MARK1: variants seen among roughly 807,000 people sequenced by gnomAD.
MARK1 encodes the protein serine/threonine-protein kinase MARK1.
In MARK1, 40 loss-of-function variants were observed where a neutral mutation model predicts 96.3. That is an observed-to-expected ratio of 0.42 (90% CI 0.32 to 0.54). The LOEUF (loss-of-function observed/expected upper bound fraction) is 0.54. Ranked by LOEUF, MARK1 falls within the 20% of genes least tolerant of loss-of-function variation. MARK1 has a pLI of 0.16. For synonymous variants in MARK1, 317 were observed against 341.2 expected, an observed-to-expected ratio of 0.93 and a Z score of 0.78; for missense variants, 719 against 984.6, an observed-to-expected ratio of 0.73 and a Z score of 3.61.
At chr1:220,575,605 T>C (rs1663775318) in intron 1 of MARK1, among the ~76,000 whole-genome samples, 1 of 152,128 alleles carries the variant, frequency 6.6e-6, no homozygotes, top group African/African-American at 2.4e-5. Flanking sequence ...ATATTTGTTT[T>C]GGTGGATATC....
At chr1:220,599,232 T>C (rs950537390) in intron 4 of MARK1, among the ~76,000 whole-genome samples, 2 of 152,186 alleles carry the variant, frequency 1.3e-5, no homozygotes, top group African/African-American at 4.8e-5. Context: ...TTGTGACAAG[T>C]AAAATTCTTT....
intron 14 of MARK1, among the ~76,000 whole-genome samples, chr1:220,650,973 T>C (rs7547728): frequency 0.012 from 1,811 of 152,346 alleles, 22 homozygotes; most frequent in Middle Eastern, 0.037. Flanking sequence ...AATATTTTTC[T>C]ATAACAAAGC....
intron 17 of MARK1, among the ~76,000 whole-genome samples, chr1:220,660,163 C>G (rs1252818736): frequency 6.6e-6 from 1 of 152,142 alleles, no homozygotes; most frequent in Middle Eastern, 3.2e-3. Context: ...TTCCAGGATG[C>G]CGATTCCACC....
chr1:220,639,178 C>T (rs957741660), intron 13 of MARK1, among the ~76,000 whole-genome samples: 12 of 152,080 alleles, frequency 7.9e-5, no homozygotes, highest in African/African-American at 2.7e-4. Context: ...ATGACTTGAG[C>T]CCTGGAGTTT....
intron 1 of MARK1, among the ~76,000 whole-genome samples, chr1:220,546,816 C>T (rs764528025): frequency 4.0e-5 from 6 of 151,728 alleles, no homozygotes; most frequent in Non-Finnish European, 7.4e-5. Flanking sequence ...TCTACCAATA[C>T]AAAAAATTAG....
intron 3 of MARK1, among the ~76,000 whole-genome samples, chr1:220,591,829 A>G (rs1665002180): frequency 6.6e-6 from 1 of 152,102 alleles, no homozygotes; most frequent in Admixed American, 6.6e-5. Context: ...TAAGCTCATA[A>G]TACCCTTCCT....
chr1:220,535,138 G>GT (rs1660597891), intron 1 of MARK1, among the ~76,000 whole-genome samples: 1 of 152,088 alleles, frequency 6.6e-6, no homozygotes, highest in South Asian at 2.1e-4. Context: ...ACTTCATATT[G>GT]TTTTTCATAG....
chr1:220,631,229 G>T, intron 10 of MARK1, 95 bp downstream of exon 10: 5 of 635,922 alleles, frequency 7.9e-6, no homozygotes, highest in South Asian at 5.2e-5. Flanking sequence ...TAAATAGGAA[G>T]CAATTTTTAT....
intron 6 of MARK1, among the ~76,000 whole-genome samples, chr1:220,609,976 C>T (rs573958812): frequency 6.6e-6 from 1 of 152,278 alleles, no homozygotes; most frequent in African/African-American, 2.4e-5. Context: ...TCTGGCTCCC[C>T]TTAACACTTT....
At chr1:220,624,299 A>C (rs1572192781) in intron 9 of MARK1, among the ~76,000 whole-genome samples, 1 of 234 alleles carries the variant, frequency 4.3e-3, no homozygotes, top group Middle Eastern at 0.25. Flanking sequence ...TTCCATCTCA[A>C]AAAAAAAAAA....
chr1:220,603,998 T>C, intron 5 of MARK1, 69 bp from the exon 6 acceptor site: 1 of 924,154 alleles, frequency 1.1e-6, no homozygotes, highest in Non-Finnish European at 1.6e-6. Flanking sequence ...GGAAAAAACT[T>C]GACATTGCAT....
intron 13 of MARK1, 60 bp downstream of exon 13, chr1:220,636,086 TA>T (rs1667947245): frequency 9.2e-6 from 11 of 1,197,090 alleles, no homozygotes; most frequent in Non-Finnish European, 1.2e-5. Flanking sequence ...GGGTTATGTG[TA>T]AAATTTTTAT....
chr1:220,626,947 T>A (rs569059910), intron 9 of MARK1: 2 of 505,590 alleles, frequency 4.0e-6, no homozygotes, highest in Non-Finnish European at 7.9e-6. Flanking sequence ...GCTGGACATA[T>A]GAGACAGGTG....
chr1:220,543,581 G>C (rs1661288249), intron 1 of MARK1, among the ~76,000 whole-genome samples: 1 of 152,100 alleles, frequency 6.6e-6, no homozygotes, highest in African/African-American at 2.4e-5. Flanking sequence ...TAATTCTTCT[G>C]CGTATAAACT....
intron 5 of MARK1, among the ~76,000 whole-genome samples, chr1:220,602,778 A>T (rs1220048133): frequency 6.6e-6 from 1 of 152,078 alleles, no homozygotes; most frequent in African/African-American, 2.4e-5. Flanking sequence ...TATTAGTTTC[A>T]TGTGACATAC....
At chr1:220,616,167 C>T (rs1666738766) in intron 7 of MARK1, among the ~76,000 whole-genome samples, 172 bp downstream of exon 7, 1 of 152,056 alleles carries the variant, frequency 6.6e-6, no homozygotes, top group Non-Finnish European at 1.5e-5. Context: ...TTTCACTGAG[C>T]AAATGAAGAA....
intron 1 of MARK1, among the ~76,000 whole-genome samples, chr1:220,551,980 A>C (rs75318434): frequency 0.025 from 3,733 of 152,262 alleles, 71 homozygotes; most frequent in South Asian, 0.039. Flanking sequence ...GCAGTTTTCC[A>C]TTGCCTTATC....
chr1:220,614,928 G>A (rs958947306), intron 6 of MARK1, among the ~76,000 whole-genome samples: 4 of 151,730 alleles, frequency 2.6e-5, no homozygotes, highest in African/African-American at 7.3e-5. Context: ...TATTAGCATG[G>A]TCATACTTCA....
chr1:220,633,783 C>T (rs142876903), intron 11 of MARK1, among the ~76,000 whole-genome samples: 24 of 152,304 alleles, frequency 1.6e-4, no homozygotes, highest in African/African-American at 5.5e-4. Flanking sequence ...TGTGTAAGCA[C>T]ATTTGCCAAG....
Sources: gnomAD v4.1 joint callset for allele counts (sites outside exome capture counted in the v4.1 genomes callset) on GRCh38, gnomAD v4.1.1 for gene constraint, MANE v1.5 for transcripts, NCBI Gene and HGNC (gene_info 2026-07-23, HGNC 2026-07-21) for gene names.